QKI: variants seen among roughly 807,000 people sequenced by gnomAD.
The protein encoded by QKI is QKI, KH domain containing RNA binding, also known as KH domain-containing RNA-binding protein QKI.
In QKI, 10 loss-of-function variants were observed where a neutral mutation model predicts 39.0. The observed-to-expected ratio is 0.26, with a 90% CI of 0.16 to 0.43. QKI has a LOEUF of 0.43. Among genes scored for constraint, QKI ranks in the 20% least tolerant of loss-of-function variants. The pLI is 1.00. For missense variants in QKI, 218 were observed against 428.0 expected, an observed-to-expected ratio of 0.51 and a Z score of 4.33; for synonymous variants, 204 against 155.4, an observed-to-expected ratio of 1.31 and a Z score of -2.33.
At chr6:163,515,217 A>T (rs527584014) in intron 3 of QKI, among the ~76,000 whole-genome samples, 20 of 152,304 alleles carry the variant, frequency 1.3e-4, no homozygotes, top group Middle Eastern at 3.4e-3. Context: ...CCTCAATGTT[A>T]TCAAAGCTAT....
At chr6:163,509,308 TGCTAAAGGGAATTTTACAG>T (rs1779292318) in intron 3 of QKI, among the ~76,000 whole-genome samples, 1 of 152,134 alleles carries the variant, frequency 6.6e-6, no homozygotes, top group Non-Finnish European at 1.5e-5. Flanking sequence ...CACCAGGTAA[TGCTAAAGGGAATTTTACAG>T]GCTAAAGAGA....
chr6:163,428,035 G>C (rs1788542371), intron 1 of QKI, among the ~76,000 whole-genome samples: 1 of 152,186 alleles, frequency 6.6e-6, no homozygotes, highest in African/African-American at 2.4e-5. Context: ...ACACAAAAGA[G>C]AGCACTCAGT....
intron 7 of QKI, chr6:163,569,658 GT>G (rs1783587693): frequency 4.0e-6 from 4 of 1,000,860 alleles, no homozygotes; most frequent in Admixed American, 6.0e-5. Flanking sequence ...AATTTTTAAA[GT>G]TTTTTTGTCC....
intron 3 of QKI, among the ~76,000 whole-genome samples, chr6:163,502,355 T>A (rs376569734): frequency 2.2e-4 from 33 of 152,016 alleles, no homozygotes; most frequent in East Asian, 1.2e-3. Context: ...CAAACAAAAA[T>A]ATATATATAT....
intron 1 of QKI, among the ~76,000 whole-genome samples, chr6:163,420,938 A>G (rs1344960608): frequency 1.3e-5 from 2 of 152,188 alleles, no homozygotes; most frequent in Non-Finnish European, 2.9e-5. Flanking sequence ...CCCTCTTAAA[A>G]TTACTTTCTT....
intron 3 of QKI, among the ~76,000 whole-genome samples, chr6:163,512,076 A>G (rs773351897): frequency 1.2e-4 from 18 of 152,130 alleles, no homozygotes; most frequent in Non-Finnish European, 1.3e-4. Context: ...AATCATAACA[A>G]TAGAATAAAG....
intron 5 of QKI, among the ~76,000 whole-genome samples, chr6:163,562,305 T>G (rs1015500008): frequency 6.6e-6 from 1 of 152,254 alleles, no homozygotes; most frequent in Admixed American, 6.5e-5. Context: ...TTACATTATT[T>G]TAACAAAATC....
At chr6:163,557,933 T>C (rs1782739651) in intron 4 of QKI, among the ~76,000 whole-genome samples, 1 of 152,186 alleles carries the variant, frequency 6.6e-6, no homozygotes, top group South Asian at 2.1e-4. Context: ...GGCAAATACT[T>C]AGGAAACCAG....
chr6:163,520,111 A>G (rs1406447947), intron 3 of QKI, among the ~76,000 whole-genome samples: 1 of 152,108 alleles, frequency 6.6e-6, no homozygotes, highest in Non-Finnish European at 1.5e-5. Context: ...TAGGGAGAGG[A>G]ATTGAAGAAT....
At chr6:163,566,548 C>G (rs1233873144) in intron 6 of QKI, 173 bp from the exon 7 acceptor site, 44 of 1,465,766 alleles carry the variant, frequency 3.0e-5, no homozygotes, top group Non-Finnish European at 4.0e-5. Flanking sequence ...TTAATAGATG[C>G]ATATATACAT....
At chr6:163,428,744 G>A (rs1361808094) in intron 1 of QKI, among the ~76,000 whole-genome samples, 3 of 91,458 alleles carry the variant, frequency 3.3e-5, no homozygotes, top group African/African-American at 1.0e-4. Flanking sequence ...CAGTTATATT[G>A]AGCTTTTTTT....
At chr6:163,468,777 T>C (rs1791964695) in intron 2 of QKI, among the ~76,000 whole-genome samples, 1 of 152,196 alleles carries the variant, frequency 6.6e-6, no homozygotes, top group South Asian at 2.1e-4. Flanking sequence ...TTTGAAAGTG[T>C]TGTGACATTG....
intron 3 of QKI, among the ~76,000 whole-genome samples, chr6:163,531,598 A>G (rs1420923337): frequency 1.3e-5 from 2 of 152,334 alleles, no homozygotes; most frequent in East Asian, 3.9e-4. Flanking sequence ...TAAGTTAACC[A>G]TCTGCTTTCT....
In QKI at chr6:163,438,643, A is replaced by G. The variant is rs1187914339; in HGVS notation, c.143-16636A>G. Among the ~76,000 whole-genome samples, 4 of 152,140 alleles carry G rather than the reference A, an allele frequency of 2.6e-5. No homozygotes were observed. The South Asian group carries it at 8.3e-4, about 32-fold the overall frequency. ...TCTAAACATAGAAAAGGTACAGTAA[A>G]AATGTGGTATAAAAGATAAAAAATG... On this transcript the variant is annotated intron_variant, in intron 1 of 7. Coordinates refer to ENST00000361752, the MANE Select transcript of QKI (RefSeq NM_006775.3).
intron 7 of QKI, chr6:163,568,011 A>G (rs1430724075): frequency 2.0e-6 from 2 of 985,418 alleles, no homozygotes; most frequent in Middle Eastern, 5.2e-4. Flanking sequence ...CTTTTAAACT[A>G]ATGTATTCAT....
chr6:163,556,021 T>C (rs933434909), intron 4 of QKI, among the ~76,000 whole-genome samples: 2 of 152,170 alleles, frequency 1.3e-5, no homozygotes, highest in African/African-American at 4.8e-5. Flanking sequence ...AGGTTTGCAA[T>C]GTGAACTTTT....
Position 163,571,775 on chromosome 6 carries a change from G to A in QKI, c.*1065G>A, listed in dbSNP as rs1172215260. 6.6e-6 allele frequency: 1 copy of A among 151,222 alleles called. No homozygotes were observed. The highest frequency in any genetic ancestry group is 2.4e-5 in the African/African-American group (1 of 41,232). 9.4% of individuals were successfully genotyped at this position (151,222 alleles called of 1,614,324 possible). ...TTATTTCATTAAATGATTTTTTCTG[G>A]TGGTTGTCAAGAAACAAAAGACCAA... On this transcript the variant is annotated 3_prime_UTR_variant, in exon 8 of 8. Transcript: ENST00000361752.
chr6:163,454,487 A>G (rs1476024962), intron 1 of QKI, among the ~76,000 whole-genome samples: 4 of 152,144 alleles, frequency 2.6e-5, no homozygotes, highest in African/African-American at 9.7e-5. Flanking sequence ...CTTAGTGGTC[A>G]AATCCAAGGT....
Position 163,577,251 on chromosome 6 carries a change from A to G in QKI, c.*6541A>G, listed in dbSNP as rs557901493. The G allele has an allele frequency of 1.2e-4, 19 of 152,256 alleles. No individual in the cohort carries two copies. Among genetic ancestry groups the G allele is most frequent in the African/African-American group, 3.4e-4 (14 of 41,548 alleles). The allele number at this position is 152,256 out of a possible 1,614,324, so 9.4% of individuals were successfully genotyped here. On this transcript the variant is annotated 3_prime_UTR_variant, in exon 8 of 8. Coordinates refer to ENST00000361752, the MANE Select transcript of QKI (RefSeq NM_006775.3). ...CACCGGAACCTTAGTTTTCCTCAAC[A>G]GAATGCTTTGTTAAAGTAGCCCACA...
Sources: gnomAD v4.1 joint callset for allele counts (sites outside exome capture counted in the v4.1 genomes callset) on GRCh38, gnomAD v4.1.1 for gene constraint, MANE v1.5 for transcripts, NCBI Gene and HGNC (gene_info 2026-07-23, HGNC 2026-07-21) for gene names.